The following KRT1 variants were observed in gnomAD, a reference collection of about 807,000 sequenced individuals.
The protein encoded by KRT1 is keratin 1.
Under a neutral mutation model 51.6 loss-of-function variants are expected in KRT1, and 28 were observed. The observed-to-expected ratio is 0.54, with a 90% CI of 0.40 to 0.74. The LOEUF is 0.74. Ranked by LOEUF, KRT1 falls within the 30% of genes least tolerant of loss-of-function variation. The probability of loss-of-function intolerance (pLI) is 0.00; values close to 1 mark genes in which losing one functional copy is unlikely to be tolerated. For missense variants in KRT1, 783 were observed against 815.5 expected, an observed-to-expected ratio of 0.96 and a Z score of 0.49; for synonymous variants, 301 against 307.7, an observed-to-expected ratio of 0.98 and a Z score of 0.23.
chr12:52,678,886 A>T, intron 1 of KRT1, 130 bp from the exon 2 acceptor site: 1 of 843,534 alleles, frequency 1.2e-6, no homozygotes, highest in Admixed American at 2.0e-5. Flanking sequence ...GAAGAAGATG[A>T]TCAAGTTAAT....
rs745549570 is a variant in KRT1 at position 52,675,349 on chromosome 12, G to C, written c.1779C>G (p.Gly593=). 2 of 1,608,722 alleles carry C rather than the reference G, an allele frequency of 1.2e-6. No homozygotes were observed. The highest frequency in any genetic ancestry group is 1.7e-6 in the Non-Finnish European group (2 of 1,178,774). Residue 593 remains glycine (G), a synonymous_variant, in exon 9 of 9, where the codon GGC becomes GGG. Transcript: ENST00000252244. ...SSGGYRGGSG[G]GGGGSSGGRG... ...GGCCGCCAGAGCTGCCGCCGCCGCC[G>C]CCTCCAGAGCCACCTCTGTAGCCCC...
rs763533681 is a variant in KRT1, at chr12:52,675,713, C to G, written c.1507G>C (p.Val503Leu). The G allele has an allele frequency of 6.2e-7, 1 of 1,614,204 alleles. No homozygotes were observed. The highest frequency in any genetic ancestry group is 1.1e-5 in the South Asian group (1 of 91,084). ...MSGECAPNVS[V>L]SVSTSHTTIS... The stretch of plus-strand genomic sequence containing the variant: ...TGAGAAATCGACTTGTACTTACACA[C>G]ACTCACGTTCGGGGCACATTCTCCA... The change falls in exon 8 of 9, where the codon GTG becomes CTG. Residue 503 changes from valine (V) to leucine (L), a missense_variant. By Grantham distance (32) the Val-to-Leu change is conservative (BLOSUM62 1). Transcript: ENST00000252244.
Position 52,675,057 on chromosome 12 carries a change from G to T in KRT1, c.*136C>A. ...AACAGCAGAAAAGAAAGAGCTGGGG[G>T]AATAGGATGAGCTAGTGTAACTAAC... On this transcript the variant is annotated 3_prime_UTR_variant, in exon 9 of 9. Transcript: ENST00000252244. The T allele has an allele frequency of 8.8e-7, 1 of 1,131,006 alleles. No homozygotes were observed. The highest frequency in any genetic ancestry group is 1.2e-5 in the South Asian group (1 of 80,642). 70.1% of individuals were successfully genotyped at this position (1,131,006 alleles called of 1,614,324 possible).
rs780136294 is a variant in KRT1, at chr12:52,677,084, G to T, written c.1229C>A (p.Ser410Tyr). The T allele has an allele frequency of 6.2e-7, 1 of 1,613,818 alleles. No individual in the cohort carries two copies. The highest frequency in any genetic ancestry group is 1.7e-5 in the Admixed American group (1 of 60,028). The change falls in exon 6 of 9, where the codon TCT (serine) becomes TAT (tyrosine). Residue 410 changes from serine to tyrosine, a missense_variant. By Grantham distance (144) the Ser-to-Tyr change is moderately radical. Coordinates refer to ENST00000252244, the MANE Select transcript of KRT1 (RefSeq NM_006121.4). ...CTGCTTCTTGACATTGTCGATTTCA[G>T]ATCTAAGTCTCTGGATCACACGATT... ...ELNRVIQRLR[S>Y]EIDNVKKQIS... is the part of the protein sequence containing the mutation.
chr12:52,677,689 C>T lies in KRT1; in HGVS notation c.924G>A (p.Leu308=), dbSNP rs200891005. Residue 308 remains leucine, a synonymous_variant, in exon 4 of 9, where the codon TTG becomes TTA. Transcript: ENST00000252244. ...KVDLQAKLDN[L]QQEIDFLTAL... is the part of the protein sequence containing the mutation. ...CTGTAAGGAAATCAATTTCCTGCTG[C>T]AAGTTGTCAAGTTTGGCCTGAAGGT... 6.3e-5 allele frequency: 102 copies of T among 1,614,044 alleles called. No individual in the cohort carries two copies. The highest frequency in any genetic ancestry group is 6.2e-5 in the Non-Finnish European group (73 of 1,180,044).
Position 52,680,359 on chromosome 12 carries a change from A to G in KRT1, c.-11T>C. The G allele has an allele frequency of 6.2e-7, 1 of 1,612,562 alleles. No homozygotes were observed. ...AAACTGTCGACTCATGTTGACTTAG[A>G]GAAAAGTAGGAGCAAGGTAGAGTAA... On this transcript the variant is annotated 5_prime_UTR_variant, in exon 1 of 9. Coordinates refer to ENST00000252244, the MANE Select transcript of KRT1 (RefSeq NM_006121.4).
At chr12:52,676,575 T>TGGG in intron 6 of KRT1, 80 bp from the exon 7 acceptor site, 1 of 1,408,390 alleles carries the variant, frequency 7.1e-7, no homozygotes, top group African/African-American at 1.4e-5. Flanking sequence ...CCCACTCCAG[T>TGGG]GAGGCCAATA....
chr12:52,676,226 G>A lies in KRT1; in HGVS notation c.1475+49C>T, dbSNP rs151245339. 6.3e-4 allele frequency: 915 copies of A among 1,458,336 alleles called. 7 individuals are homozygous for A. The African/African-American group carries it at 0.012, about 19-fold the overall frequency. 90.3% of individuals were successfully genotyped at this position (1,458,336 alleles called of 1,614,324 possible). On this transcript the variant is annotated intron_variant, in intron 7 of 8. Coordinates refer to ENST00000252244, the MANE Select transcript of KRT1 (RefSeq NM_006121.4). The stretch of plus-strand genomic sequence containing the variant: ...ATCTTCAACAACAATCAGCTTGCAA[G>A]GAAGGAAGACCATGAGAAGAGGTTC...
In KRT1 at chr12:52,678,844, A is replaced by T. The variant is rs766191166; in HGVS notation, c.592-88T>A. 3 of 1,116,350 alleles carry T rather than the reference A, an allele frequency of 2.7e-6. No individual in the cohort carries two copies. In the African/African-American group the frequency reaches 4.6e-5, roughly 17 times the overall value. The allele number at this position is 1,116,350 out of a possible 1,614,324, so 69.2% of individuals were successfully genotyped here. A position where few individuals can be genotyped will look rare whatever the true frequency, so the allele number is the denominator to read the frequency against. On this transcript the variant is annotated intron_variant, in intron 1 of 8. Transcript: ENST00000252244. ...GTGCCTCATTTGGAAAAGAACCTCA[A>T]TTCCTATCTTCTGACCATGACAGAG...
rs751420569 is a variant in KRT1, at chr12:52,677,688, G to T, written c.925C>A (p.Gln309Lys). ...GCTGTAAGGAAATCAATTTCCTGCT[G>T]CAAGTTGTCAAGTTTGGCCTGAAGG... ...VDLQAKLDNL[Q>K]QEIDFLTALY... The change falls in exon 4 of 9, where the codon CAG becomes AAG. Residue 309 changes from glutamine to lysine, a missense_variant. Physicochemically the swap from Gln to Lys is moderately conservative, Grantham distance 53 (BLOSUM62 1). Coordinates refer to ENST00000252244, the MANE Select transcript of KRT1 (RefSeq NM_006121.4). The T allele has an allele frequency of 6.2e-7, 1 of 1,614,172 alleles. No homozygotes were observed. The highest frequency in any genetic ancestry group is 2.2e-5 in the East Asian group (1 of 44,876).
chr12:52,677,982 G>A (rs1022479515), intron 3 of KRT1, among the ~76,000 whole-genome samples, 181 bp downstream of exon 3: 6 of 152,134 alleles, frequency 3.9e-5, no homozygotes, highest in African/African-American at 1.4e-4. Flanking sequence ...GGGAAATATG[G>A]AGAAGCCAAG....
rs1941482819 is a variant in KRT1, at chr12:52,675,310, G to A, written c.1818C>T (p.Gly606=). The A allele has an allele frequency of 1.9e-6, 3 of 1,612,518 alleles. No homozygotes were observed. The highest frequency in any genetic ancestry group is 1.7e-5 in the Admixed American group (1 of 60,016). Residue 606 remains glycine, a synonymous_variant, in exon 9 of 9, where the codon GGC becomes GGT. Coordinates refer to ENST00000252244, the MANE Select transcript of KRT1 (RefSeq NM_006121.4). ...CTCCTATGGAGCCTCCAGAGCTCCC[G>A]CCGCCAGAGCCCCGGCCGCCAGAGC... ...GGSSGGRGSG[G]GSSGGSIGGR... is the part of the protein sequence containing the mutation.
At position 52,678,163 on chromosome 12, in the gene KRT1, C is replaced by T. The variant is rs1473499403; in HGVS notation, c.867G>A (p.Lys289=). 2 of 1,613,902 alleles carry T rather than the reference C, an allele frequency of 1.2e-6. No homozygotes were observed. The highest frequency in any genetic ancestry group is 2.7e-5 in the African/African-American group (2 of 74,926). ...NAENEFVTIK[K]DVDGAYMTKV... is the part of the protein sequence containing the mutation. Reference sequence around the variant, plus strand: ...GTTCCGTCCTACAGAATTTGCTTACCTTCTTGATGGTCACAAATTCATTCT... The same window carrying T: ...GTTCCGTCCTACAGAATTTGCTTACTTTCTTGATGGTCACAAATTCATTCT... Residue 289 remains lysine (K), a splice_region_variant and synonymous_variant, in exon 3 of 9, where the codon AAG becomes AAA. Transcript: ENST00000252244.
intron 6 of KRT1, 108 bp downstream of exon 6, chr12:52,676,951 G>A: frequency 7.1e-7 from 1 of 1,412,926 alleles, no homozygotes; most frequent in Non-Finnish European, 9.9e-7. Context: ...GGATAATAAT[G>A]TAGCCTTGGG....
Position 52,678,598 on chromosome 12 carries a change from A to C in KRT1, c.750T>G (p.Ser250=), listed in dbSNP as rs1225286400. The C allele has an allele frequency of 6.2e-7, 1 of 1,614,182 alleles. No individual in the cohort carries two copies. The highest frequency in any genetic ancestry group is 2.2e-5 in the East Asian group (1 of 44,884). ...RRVDQLKSDQ[S]RLDSELKNMQ... ...TGTTCTTCAGTTCCGAATCCAACCG[A>C]GATTGATCACTCTTCAGTTGGTCCA... is the stretch of plus-strand genomic sequence containing the variant. The change falls in exon 2 of 9, where the codon TCT becomes TCG. Residue 250 remains serine, a synonymous_variant. Transcript: ENST00000252244.
chr12:52,677,116 A>G lies in KRT1; in HGVS notation c.1197T>C (p.Ser399=), dbSNP rs1276230643. ...DSVRNSKIEI[S]ELNRVIQRLR... ...GTCTCTGGATCACACGATTCAGCTCAGAAATTTCTATCTTTGAATTTCTCA... is the reference window on the plus strand; with the variant it reads ...GTCTCTGGATCACACGATTCAGCTCGGAAATTTCTATCTTTGAATTTCTCA... Residue 399 remains serine, a synonymous_variant, in exon 6 of 9, where the codon TCT becomes TCC. Transcript: ENST00000252244. The G allele has an allele frequency of 8.1e-6, 13 of 1,614,136 alleles. No individual in the cohort carries two copies. The highest frequency in any genetic ancestry group is 1.1e-5 in the Non-Finnish European group (13 of 1,180,044).
chr12:52,679,082 TC>T (rs1565647769), intron 1 of KRT1, among the ~76,000 whole-genome samples: 1 of 152,146 alleles, frequency 6.6e-6, no homozygotes, highest in Admixed American at 6.5e-5. Flanking sequence ...CTGGTTTGCA[TC>T]CCCAGGACAC....
rs1941503813 is a variant in KRT1, at chr12:52,676,379, G to A, written c.1371C>T (p.Asp457=). 1.2e-6 allele frequency: 2 copies of A among 1,614,156 alleles called. No homozygotes were observed. Among genetic ancestry groups the A allele is most frequent in the South Asian group, 1.1e-5 (1 of 91,082 alleles). ...LEDALQQAKE[D]LARLLRDYQE... The stretch of plus-strand genomic sequence containing the variant: ...GGTAGTCGCGCAGCAGGCGGGCCAG[G>A]TCTTCCTTGGCCTGCTGCAGGGCAT... Residue 457 remains aspartate, a synonymous_variant, in exon 7 of 9, where the codon GAC becomes GAT. Transcript: ENST00000252244.
chr12:52,678,646 G>T lies in KRT1; in HGVS notation c.702C>A (p.Phe234Leu). 6.2e-7 allele frequency: 1 copy of T among 1,614,174 alleles called. No homozygotes were observed. Among genetic ancestry groups the T allele is most frequent in the Non-Finnish European group, 8.5e-7 (1 of 1,180,028 alleles). The change falls in exon 2 of 9, where the codon TTC becomes TTA. Residue 234 changes from phenylalanine to leucine, a missense_variant. Phe to Leu is a conservative substitution (Grantham distance 22). Coordinates refer to ENST00000252244, the MANE Select transcript of KRT1 (RefSeq NM_006121.4). ...CCACTCTCCTTCGGAGATTGTTGAT[G>T]AATGACTCAAAGTAGGGCTCTAAAT... is the stretch of plus-strand genomic sequence containing the variant. ...THNLEPYFES[F>L]INNLRRRVDQ...
Sources: allele counts gnomAD v4.1 joint callset (sites outside exome capture counted in the v4.1 genomes callset), GRCh38; gene constraint gnomAD v4.1.1; transcripts MANE v1.5; gene names NCBI Gene and HGNC (gene_info 2026-07-23, HGNC 2026-07-21).